Variants in RHOT1 observed in about 807,000 individuals in gnomAD.
RHOT1 encodes the protein mitochondrial Rho GTPase 1.
Under a neutral mutation model 95.3 loss-of-function variants are expected in RHOT1, and 27 were observed. That is an observed-to-expected ratio of 0.28 (90% confidence interval 0.21 to 0.39). RHOT1 has a LOEUF of 0.39. Among genes scored for constraint, RHOT1 ranks in the 10% least tolerant of loss-of-function variants. The probability of loss-of-function intolerance (pLI) is 1.00; values close to 1 mark genes in which losing one functional copy is unlikely to be tolerated. For missense variants in RHOT1, 578 were observed against 786.7 expected, an observed-to-expected ratio of 0.73 and a Z score of 3.17; for synonymous variants, 227 against 263.5, an observed-to-expected ratio of 0.86 and a Z score of 1.34.
intron 5 of RHOT1, 46 bp downstream of exon 5, chr17:32,176,061 T>G (rs769717236): frequency 1.3e-6 from 2 of 1,580,638 alleles, no homozygotes; most frequent in East Asian, 4.5e-5. Context: ...AGTGGAGTGC[T>G]TCCAAAGTTG....
At chr17:32,179,262 T>C (rs2035349325) in intron 6 of RHOT1, 1 of 137,594 alleles carries the variant, frequency 7.3e-6, no homozygotes, top group Admixed American at 7.6e-5. Context: ...GGCCGCCCCG[T>C]CTGGGAAGTG....
chr17:32,169,655 GTTCTAC>G (rs1457457188), intron 1 of RHOT1, among the ~76,000 whole-genome samples: 3 of 152,182 alleles, frequency 2.0e-5, no homozygotes, highest in African/African-American at 7.2e-5. Flanking sequence ...ACTAACTTGA[GTTCTAC>G]TTCTAGGAAT....
In RHOT1 at chr17:32,194,093, A is replaced by G. The variant is rs759771278; in HGVS notation, c.855A>G (p.Glu285=). 6 of 1,613,974 alleles carry G rather than the reference A, an allele frequency of 3.7e-6. No individual in the cohort carries two copies. Among genetic ancestry groups the G allele is most frequent in the South Asian group, 1.1e-5 (1 of 91,058 alleles). ...ATGATGACCTGGATTTGACACCTGA[A>G]TATTTGTTCCCCCTGTATGTACCTT... ...GYDDDLDLTP[E]YLFPLLKIPP... The change falls in exon 11 of 20, where the codon GAA becomes GAG. Residue 285 remains glutamate, a synonymous_variant. Transcript: ENST00000545287.
chr17:32,190,215 G>A (rs1045281143), intron 8 of RHOT1, among the ~76,000 whole-genome samples: 1 of 151,940 alleles, frequency 6.6e-6, no homozygotes, highest in African/African-American at 2.4e-5. Flanking sequence ...CAGCACTTTG[G>A]GGGGCCGAGG....
chr17:32,156,810 G>A (rs1040717206), intron 1 of RHOT1, among the ~76,000 whole-genome samples: 1 of 152,380 alleles, frequency 6.6e-6, no homozygotes, highest in East Asian at 1.9e-4. Context: ...GCCCAGGCCA[G>A]TGCTCATTTT....
chr17:32,164,530 A>C (rs1174787974), intron 1 of RHOT1, among the ~76,000 whole-genome samples: 3 of 151,948 alleles, frequency 2.0e-5, no homozygotes, highest in Non-Finnish European at 4.4e-5. Context: ...CCGTGCCCAG[A>C]CTAACATCCC....
At chr17:32,210,129 T>C (rs967737561) in intron 18 of RHOT1, among the ~76,000 whole-genome samples, 1 of 152,130 alleles carries the variant, frequency 6.6e-6, no homozygotes, top group Non-Finnish European at 1.5e-5. Flanking sequence ...GGCCAGTCTT[T>C]TGACTGAGAA....
At chr17:32,165,628 CACAT>C (rs1166197296) in intron 1 of RHOT1, among the ~76,000 whole-genome samples, 6 of 151,974 alleles carry the variant, frequency 3.9e-5, no homozygotes, top group African/African-American at 7.2e-5. Context: ...TTTTTCTATG[CACAT>C]ACATATTTAT....
intron 15 of RHOT1, among the ~76,000 whole-genome samples, chr17:32,203,269 CTTTTTT>C (rs940216011): frequency 1.4e-5 from 1 of 72,326 alleles, no homozygotes; most frequent in African/African-American, 6.1e-5. Context: ...TCTTCTTCTT[CTTTTTT>C]TTTTTTTTTT....
chr17:32,145,705 T>C (rs772132678), intron 1 of RHOT1, among the ~76,000 whole-genome samples: 87 of 152,316 alleles, frequency 5.7e-4, no homozygotes, highest in Non-Finnish European at 4.7e-4. Context: ...TCTCAGATTC[T>C]GCTATGCACC....
chr17:32,149,089 A>C (rs745620643), intron 1 of RHOT1, among the ~76,000 whole-genome samples: 8 of 152,176 alleles, frequency 5.3e-5, no homozygotes, highest in African/African-American at 1.9e-4. Flanking sequence ...GATTACTTCA[A>C]TATTTCTCAG....
chr17:32,207,566 A>G (rs2037843680), intron 17 of RHOT1: 2 of 154,108 alleles, frequency 1.3e-5, no homozygotes, highest in Non-Finnish European at 2.9e-5. Context: ...TTACTGAAGT[A>G]AGATAAAATA....
chr17:32,165,083 G>A (rs550679037), intron 1 of RHOT1, among the ~76,000 whole-genome samples: 1 of 151,822 alleles, frequency 6.6e-6, no homozygotes, highest in South Asian at 2.1e-4. Context: ...GCTTACGCCT[G>A]TAATCCCAGC....
intron 19 of RHOT1, among the ~76,000 whole-genome samples, chr17:32,215,706 C>T (rs910149069): frequency 2.6e-5 from 4 of 151,864 alleles, no homozygotes; most frequent in Non-Finnish European, 5.9e-5. Flanking sequence ...TTTACTAACA[C>T]GATATATTTT....
intron 1 of RHOT1, among the ~76,000 whole-genome samples, chr17:32,163,544 A>C (rs1237236197): frequency 6.6e-6 from 1 of 152,138 alleles, no homozygotes; most frequent in Non-Finnish European, 1.5e-5. Flanking sequence ...CAGCCTGGCC[A>C]ATATGGTAAA....
Position 32,200,993 on chromosome 17 carries a change from T to C in RHOT1, c.1138T>C (p.Tyr380His), listed in dbSNP as rs1485054489. The change falls in exon 14 of 20, where the codon TAT becomes CAT. Residue 380 changes from tyrosine (Y) to histidine (H), a missense_variant. Tyr to His is a moderately conservative substitution (Grantham distance 83). Transcript: ENST00000545287. ...TYLDVQRCLEYLGYLGYSILT... is the reference protein window; with the variant it reads ...TYLDVQRCLEHLGYLGYSILT... ...TTTAGATGTACAGCGGTGCCTGGAATATTTGGGCTATCTAGGCTATTCAAT... is the reference window on the plus strand; with the variant it reads ...TTTAGATGTACAGCGGTGCCTGGAACATTTGGGCTATCTAGGCTATTCAAT... The C allele has an allele frequency of 6.2e-7, 1 of 1,612,618 alleles. No individual in the cohort carries two copies. Among genetic ancestry groups the C allele is most frequent in the African/African-American group, 1.3e-5 (1 of 74,838 alleles).
intron 1 of RHOT1, chr17:32,150,369 T>C (rs910599074): frequency 5.2e-6 from 2 of 386,550 alleles, no homozygotes; most frequent in African/African-American, 2.1e-5. Flanking sequence ...TTTTTTTTTT[T>C]CATGTGTAAG....
chr17:32,207,222 A>G, intron 17 of RHOT1, 193 bp downstream of exon 17: 1 of 487,144 alleles, frequency 2.1e-6, no homozygotes, highest in Non-Finnish European at 3.5e-6. Flanking sequence ...CATATTTCTG[A>G]AAGTTTTCGA....
intron 1 of RHOT1, among the ~76,000 whole-genome samples, chr17:32,160,874 G>C (rs548337665): frequency 5.3e-5 from 8 of 152,212 alleles, no homozygotes; most frequent in Non-Finnish European, 1.0e-4. Flanking sequence ...CAGCCTGCCA[G>C]GCTGAGTGGG....
Sources: allele counts gnomAD v4.1 joint callset (sites outside exome capture counted in the v4.1 genomes callset), GRCh38; gene constraint gnomAD v4.1.1; transcripts MANE v1.5; gene names NCBI Gene and HGNC (gene_info 2026-07-23, HGNC 2026-07-21).